ZNF248: variants seen among roughly 807,000 people sequenced by gnomAD.
The protein encoded by ZNF248 is KRAB protein domain.
ZNF248 carries 20 observed loss-of-function variants against 44.3 expected under a neutral mutation model. The observed-to-expected ratio is 0.45, with a 90% confidence interval of 0.32 to 0.66. The LOEUF (loss-of-function observed/expected upper bound fraction) is 0.66, where lower values mean the gene tolerates loss of function less well. Ranked by LOEUF, ZNF248 falls within the 30% of genes least tolerant of loss-of-function variation. The pLI, the probability that ZNF248 is intolerant of heterozygous loss-of-function variation, is 0.04. For missense variants in ZNF248, 654 were observed against 677.0 expected (o/e 0.97, Z 0.38); for synonymous variants, 224 against 229.0 (o/e 0.98, Z 0.20).
Position 37,838,176 on chromosome 10 carries a change from G to C in ZNF248, c.16-65C>G, listed in dbSNP as rs1341704036. 4 of 1,481,258 alleles carry C rather than the reference G, an allele frequency of 2.7e-6. No homozygotes were observed. The East Asian group carries it at 9.2e-5, about 34-fold the overall frequency. The allele number at this position is 1,481,258 out of a possible 1,614,324, so 91.8% of individuals were successfully genotyped here. On this transcript the variant is annotated intron_variant, in intron 3 of 5. Coordinates refer to ENST00000395867, the MANE Select transcript of ZNF248 (RefSeq NM_021045.3). ...TAGATGATACAGAAAAGATTTAAGA[G>C]AACTAATCTCTTTAGAGTTTACTAA...
chr10:37,802,561 C>T (rs910518808), intron 6 of ZNF248, among the ~76,000 whole-genome samples: 1 of 152,158 alleles, frequency 6.6e-6, no homozygotes, highest in African/African-American at 2.4e-5. Context: ...AACAGAGAAT[C>T]AATCAAGCAA....
At chr10:37,792,382 C>T (rs2133087800) in intron 6 of ZNF248, among the ~76,000 whole-genome samples, 1 of 152,308 alleles carries the variant, frequency 6.6e-6, no homozygotes, top group Admixed American at 6.5e-5. Context: ...GCTGAATAAA[C>T]AGATAAACAA....
chr10:37,853,471 A>G (rs759102878), intron 3 of ZNF248, among the ~76,000 whole-genome samples: 21 of 151,908 alleles, frequency 1.4e-4, no homozygotes, highest in Non-Finnish European at 2.4e-4. Context: ...TCTTCCTCCC[A>G]GGTTCACTCC....
At chr10:37,794,755 A>C in intron 6 of ZNF248, 1 of 161,064 alleles carries the variant, frequency 6.2e-6, no homozygotes, top group Non-Finnish European at 1.4e-5. Flanking sequence ...GGTTTCTCCC[A>C]TGTGTGTTCT....
intron 6 of ZNF248, among the ~76,000 whole-genome samples, chr10:37,807,732 T>A (rs1279842508): frequency 6.6e-6 from 1 of 152,222 alleles, no homozygotes; most frequent in East Asian, 1.9e-4. Context: ...CAACTGATTT[T>A]TGTGTGTTGA....
At chr10:37,794,032 G>GT (rs200667371) in intron 6 of ZNF248, among the ~76,000 whole-genome samples, 1,791 of 151,906 alleles carry the variant, frequency 0.012, 42 homozygotes, top group African/African-American at 0.041. Context: ...TATATACAAG[G>GT]TTTTTTTTAT....
intron 6 of ZNF248, among the ~76,000 whole-genome samples, chr10:37,810,619 T>C (rs1021441820): frequency 7.2e-5 from 11 of 152,026 alleles, no homozygotes; most frequent in Admixed American, 6.6e-4. Flanking sequence ...GGCCTAGAAA[T>C]ACTGAAAAAA....
intron 6 of ZNF248, among the ~76,000 whole-genome samples, chr10:37,790,782 T>C (rs993474535): frequency 2.0e-5 from 3 of 149,308 alleles, no homozygotes; most frequent in Admixed American, 2.0e-4. Flanking sequence ...TAGCCAAGTG[T>C]GAGTGTGCAC....
Position 37,850,613 on chromosome 10 carries a change from A to G in ZNF248, c.15+5683T>C, listed in dbSNP as rs188367022. On this transcript the variant is annotated intron_variant, in intron 3 of 5. Transcript: ENST00000395867. ...GCACAGACACATACACCAATGGAAC[A>G]TAGAAGATAACCCAGAAATAGGCCT... Among the ~76,000 whole-genome samples the G allele has an allele frequency of 1.8e-3, 272 of 152,318 alleles. 1 individual carries two copies. The highest frequency in any genetic ancestry group is 5.8e-3 in the African/African-American group (243 of 41,568).
At chr10:37,785,573 G>C (rs1053081403) in intron 6 of ZNF248, among the ~76,000 whole-genome samples, 2 of 152,136 alleles carry the variant, frequency 1.3e-5, no homozygotes, top group African/African-American at 4.8e-5. Flanking sequence ...GAGTTCAATA[G>C]AGATCTTTCT....
In ZNF248 at chr10:37,832,586, G is replaced by C. The variant is rs772227932; in HGVS notation, c.769C>G (p.Leu257Val). The change falls in exon 6 of 6, where the codon CTG becomes GTG. Residue 257 changes from leucine (L) to valine (V), a missense_variant. Transcript: ENST00000395867. ...CGRTFIESLK[L>V]NISQRPHLEM... is the part of the protein sequence containing the mutation. ...AAATGAGGTCTTTGAGATATATTCA[G>C]CTTTAAACTTTCAATGAAGGTTCTT... The C allele has an allele frequency of 3.1e-6, 5 of 1,613,488 alleles. No individual in the cohort carries two copies. Among genetic ancestry groups the C allele is most frequent in the Non-Finnish European group, 4.2e-6 (5 of 1,179,896 alleles).
At chr10:37,777,462 C>A (rs562576328) in intron 6 of ZNF248, among the ~76,000 whole-genome samples, 2 of 151,954 alleles carry the variant, frequency 1.3e-5, no homozygotes, top group Non-Finnish European at 2.9e-5. Context: ...CAGCCCAATG[C>A]GTCTCCAGAA....
At chr10:37,767,275 G>T in the ZNF248 span, among the ~76,000 whole-genome samples, 2 of 152,098 alleles carry the variant, frequency 1.3e-5, no homozygotes, top group South Asian at 2.1e-4. Context: ...TATAGAGAAC[G>T]CCACAAAGAT....
At chr10:37,786,752 C>A (rs922852173) in intron 6 of ZNF248, among the ~76,000 whole-genome samples, 1 of 152,000 alleles carries the variant, frequency 6.6e-6, no homozygotes, top group Non-Finnish European at 1.5e-5. Flanking sequence ...TTGTATTCTA[C>A]CTTTGTGTAT....
At chr10:37,808,874 T>C (rs1208690) in intron 6 of ZNF248, among the ~76,000 whole-genome samples, 9,102 of 152,054 alleles carry the variant, frequency 0.06, 349 homozygotes, top group Middle Eastern at 0.095. Context: ...TGTCAAGAGT[T>C]TTTTTTTCAT....
chr10:37,791,061 T>TA (rs1248593904), intron 6 of ZNF248, among the ~76,000 whole-genome samples: 5 of 124,360 alleles, frequency 4.0e-5, no homozygotes, highest in African/African-American at 6.2e-5. Flanking sequence ...TTTTTTTTTT[T>TA]TTTTTTTTTT....
chr10:37,759,761 G>A, the ZNF248 span, among the ~76,000 whole-genome samples: 1 of 152,238 alleles, frequency 6.6e-6, no homozygotes, highest in Non-Finnish European at 1.5e-5. Flanking sequence ...TCCACATTCA[G>A]AGTGGGAAAA....
At chr10:37,828,040 G>T (rs886599988), downstream of ZNF248, among the ~76,000 whole-genome samples, 2 of 152,178 alleles carry the variant, frequency 1.3e-5, no homozygotes, top group Admixed American at 1.3e-4. Context: ...TGAGTGCACT[G>T]GGGGATAAAC....
intron 3 of ZNF248, among the ~76,000 whole-genome samples, chr10:37,853,144 C>T (rs1048155845): frequency 6.6e-6 from 1 of 151,862 alleles, no homozygotes; most frequent in Non-Finnish European, 1.5e-5. Flanking sequence ...CGTGCCAGGC[C>T]AAGGCTGAGA....
Sources: allele counts gnomAD v4.1 joint callset (sites outside exome capture counted in the v4.1 genomes callset), GRCh38; gene constraint gnomAD v4.1.1; transcripts MANE v1.5; gene names NCBI Gene and HGNC (gene_info 2026-07-23, HGNC 2026-07-21).